The following ILRUN variants were observed in gnomAD, a reference collection of about 807,000 sequenced individuals.
The protein encoded by ILRUN is protein ILRUN.
Under a neutral mutation model 33.8 loss-of-function variants are expected in ILRUN, and 3 were observed. The ratio of observed to expected loss-of-function variants is 0.09; its 90% CI spans 0.04 to 0.23. The LOEUF (loss-of-function observed/expected upper bound fraction) is 0.23, where lower values mean the gene tolerates loss of function less well. Among genes scored for constraint, ILRUN ranks in the 10% least tolerant of loss-of-function variants. The pLI, the probability that ILRUN is intolerant of heterozygous loss-of-function variation, is 1.00. For missense variants in ILRUN, 210 were observed against 375.1 expected (o/e 0.56, Z 3.64); for synonymous variants, 124 against 138.9 (o/e 0.89, Z 0.75).
chr6:34,602,472 A>G (rs541164353), intron 4 of ILRUN, among the ~76,000 whole-genome samples: 1 of 152,302 alleles, frequency 6.6e-6, no homozygotes, highest in South Asian at 2.1e-4. Flanking sequence ...CGCACTGTCC[A>G]AACAGAAGCT....
intron 3 of ILRUN, chr6:34,617,310 G>T: frequency 3.1e-6 from 1 of 324,340 alleles, no homozygotes; most frequent in African/African-American, 2.2e-5. Flanking sequence ...AACAGTATGC[G>T]CTCTCAAATT....
At chr6:34,675,405 TG>T (rs1763206978) in intron 1 of ILRUN, among the ~76,000 whole-genome samples, 1 of 152,020 alleles carries the variant, frequency 6.6e-6, no homozygotes, top group African/African-American at 2.4e-5. Context: ...TTTCAATAAA[TG>T]GGAAAACTGA....
At chr6:34,632,580 G>GTC (rs1762270463) in intron 3 of ILRUN, among the ~76,000 whole-genome samples, 1 of 137,762 alleles carries the variant, frequency 7.3e-6, no homozygotes, top group Non-Finnish European at 1.5e-5. Flanking sequence ...TTGAGATGGA[G>GTC]TCTCGCTCTG....
At chr6:34,625,846 CTTTTTTT>C (rs58219612) in intron 3 of ILRUN, among the ~76,000 whole-genome samples, 1,170 of 114,266 alleles carry the variant, frequency 0.01, 18 homozygotes, top group African/African-American at 0.039. Context: ...TATTGAAAGG[CTTTTTTT>C]TTTTTTTTTT....
chr6:34,678,009 A>C (rs142219360), intron 1 of ILRUN, among the ~76,000 whole-genome samples: 39 of 150,134 alleles, frequency 2.6e-4, no homozygotes, highest in African/African-American at 7.8e-4. Context: ...GTCTGGCCTG[A>C]GAATTGACAT....
At chr6:34,662,322 AAAAAG>A (rs1762906419) in intron 1 of ILRUN, among the ~76,000 whole-genome samples, 2 of 150,310 alleles carry the variant, frequency 1.3e-5, no homozygotes, top group Admixed American at 6.7e-5. Flanking sequence ...AAAAAAAAAG[AAAAAG>A]AAAAGAAAAA....
intron 1 of ILRUN, among the ~76,000 whole-genome samples, chr6:34,694,543 G>T (rs998885200): frequency 6.6e-5 from 10 of 152,184 alleles, no homozygotes; most frequent in African/African-American, 2.4e-4. Context: ...AAACACCACA[G>T]GTTAGCTGTC....
chr6:34,600,253 CCT>C (rs1761481604), intron 4 of ILRUN, among the ~76,000 whole-genome samples: 4 of 152,174 alleles, frequency 2.6e-5, no homozygotes, highest in African/African-American at 7.2e-5. Context: ...GTCTCTGTCC[CCT>C]GACTTCATCT....
intron 1 of ILRUN, among the ~76,000 whole-genome samples, chr6:34,670,844 CAAA>C (rs201024054): frequency 6.8e-5 from 4 of 58,538 alleles, no homozygotes; most frequent in Non-Finnish European, 1.1e-4. Context: ...GACCCTGTCT[CAAA>C]AAAAAAAAAA....
In ILRUN at chr6:34,588,122, AAGCCATG is replaced by A. The variant is rs1278296774; in HGVS notation, c.*2436_*2442del. On this transcript the variant is annotated 3_prime_UTR_variant, in exon 5 of 5. Coordinates refer to ENST00000374023, the MANE Select transcript of ILRUN (RefSeq NM_024294.4). ...TACTGATACCCTCCCTGGGCTGGGG[AAGCCATG>A]GACCCCTCTGCCTGCACTCCATGAC... is the stretch of plus-strand genomic sequence containing the variant. The A allele has an allele frequency of 5.8e-5, 23 of 398,696 alleles. No homozygotes were observed. The highest frequency in any genetic ancestry group is 1.0e-4 in the Non-Finnish European group (23 of 226,208). The allele number at this position is 398,696 out of a possible 1,614,324, so 24.7% of individuals were successfully genotyped here. A position where few individuals can be genotyped will look rare whatever the true frequency, so the allele number is the denominator to read the frequency against.
intron 1 of ILRUN, among the ~76,000 whole-genome samples, chr6:34,662,764 C>T (rs1216021434): frequency 6.6e-6 from 1 of 152,120 alleles, no homozygotes; most frequent in East Asian, 1.9e-4. Context: ...TAACACGCTA[C>T]GGAATAGTAC....
chr6:34,598,750 A>G (rs889602581), intron 4 of ILRUN, among the ~76,000 whole-genome samples: 2 of 152,250 alleles, frequency 1.3e-5, no homozygotes, highest in African/African-American at 4.8e-5. Flanking sequence ...TACAAACAAC[A>G]AAAGACATTT....
intron 1 of ILRUN, among the ~76,000 whole-genome samples, chr6:34,682,245 A>C (rs1581552995): frequency 1.7e-4 from 18 of 102,996 alleles, no homozygotes; most frequent in Admixed American, 3.0e-4. Context: ...GCTCCCTGCA[A>C]CCTCTGTTTT....
intron 1 of ILRUN, among the ~76,000 whole-genome samples, chr6:34,671,502 G>T (rs933460130): frequency 4.6e-5 from 7 of 152,206 alleles, no homozygotes; most frequent in Non-Finnish European, 1.0e-4. Context: ...GAGAAAGAAA[G>T]TTATCTGTAT....
intron 3 of ILRUN, among the ~76,000 whole-genome samples, chr6:34,609,626 G>A (rs968511364): frequency 6.6e-6 from 1 of 152,098 alleles, no homozygotes; most frequent in African/African-American, 2.4e-5. Flanking sequence ...CCAAAAAAAA[G>A]GGAATCTTAA....
chr6:34,614,999 T>C (rs774674140), intron 3 of ILRUN, among the ~76,000 whole-genome samples: 12 of 152,044 alleles, frequency 7.9e-5, no homozygotes, highest in Admixed American at 1.3e-4. Context: ...CTAGAAGAGA[T>C]TGGGGCACAT....
intron 1 of ILRUN, among the ~76,000 whole-genome samples, chr6:34,690,440 G>C (rs564524532): frequency 6.6e-6 from 1 of 151,820 alleles, no homozygotes; most frequent in African/African-American, 2.4e-5. Flanking sequence ...CAGCCTGGGC[G>C]ACAGAGTGAA....
chr6:34,625,013 C>T lies in ILRUN; in HGVS notation c.512-18109G>A, dbSNP rs371296336. On this transcript the variant is annotated intron_variant, in intron 3 of 4. Transcript: ENST00000374023. ...ATCAATATCACAAACCTAGCTGGAC[C>T]AGTGCAAGAACCAGCAGAACAAATA... Among the ~76,000 whole-genome samples, 235 of 152,274 alleles carry T rather than the reference C, an allele frequency of 1.5e-3. 3 individuals are homozygous for T. Among genetic ancestry groups the T allele is most frequent in the South Asian group, 0.014 (69 of 4,826 alleles).
At chr6:34,595,275 C>A (rs180711088) in intron 4 of ILRUN, among the ~76,000 whole-genome samples, 174 of 152,256 alleles carry the variant, frequency 1.1e-3, no homozygotes, top group Admixed American at 4.3e-3. Flanking sequence ...ATCTTAGAGT[C>A]CTTTCTAAAA....
Sources: allele counts gnomAD v4.1 joint callset (sites outside exome capture counted in the v4.1 genomes callset), GRCh38; gene constraint gnomAD v4.1.1; transcripts MANE v1.5; gene names NCBI Gene and HGNC (gene_info 2026-07-23, HGNC 2026-07-21).